The following FNDC3B variants were observed in gnomAD, a reference collection of about 807,000 sequenced individuals.
FNDC3B encodes the protein fibronectin type III domain-containing protein 3B.
Under a neutral mutation model 151.5 loss-of-function variants are expected in FNDC3B, and 12 were observed. That is an observed-to-expected ratio of 0.08 (90% confidence interval 0.05 to 0.13). The LOEUF (loss-of-function observed/expected upper bound fraction) is 0.13, where lower values mean the gene tolerates loss of function less well. FNDC3B is among the 10% of genes least tolerant of loss of function. The pLI is 1.00. For missense variants in FNDC3B, 1,214 were observed against 1,505.3 expected (o/e 0.81, Z 3.20); for synonymous variants, 528 against 549.0 (o/e 0.96, Z 0.54).
chr3:172,223,869 A>T (rs1726416792), intron 3 of FNDC3B, among the ~76,000 whole-genome samples: 1 of 152,270 alleles, frequency 6.6e-6, no homozygotes, highest in Non-Finnish European at 1.5e-5. Flanking sequence ...TAACATTTTG[A>T]TGAGTGATTA....
intron 22 of FNDC3B, among the ~76,000 whole-genome samples, chr3:172,360,760 G>A (rs1734316034): frequency 6.6e-6 from 1 of 151,834 alleles, no homozygotes; most frequent in South Asian, 2.1e-4. Flanking sequence ...GTCTATTTCT[G>A]GAGTCTCTAT....
intron 3 of FNDC3B, among the ~76,000 whole-genome samples, chr3:172,143,889 C>T (rs538363745): frequency 6.6e-6 from 1 of 150,640 alleles, no homozygotes; most frequent in Non-Finnish European, 1.5e-5. Flanking sequence ...AGTCTGGTGA[C>T]AGAGTGAGCC....
intron 1 of FNDC3B, among the ~76,000 whole-genome samples, chr3:172,043,290 A>G (rs905530719): frequency 6.6e-6 from 1 of 152,190 alleles, no homozygotes; most frequent in African/African-American, 2.4e-5. Context: ...ATTGGAGAGC[A>G]AAGTGTAGAA....
At chr3:172,120,964 C>CAA (rs371333724) in intron 2 of FNDC3B, among the ~76,000 whole-genome samples, 1 of 145,886 alleles carries the variant, frequency 6.9e-6, no homozygotes, top group African/African-American at 2.5e-5. Context: ...AACTCTGTCT[C>CAA]AAAAAAAAAA....
intron 6 of FNDC3B, among the ~76,000 whole-genome samples, chr3:172,256,949 G>C (rs77101413): frequency 1.4e-5 from 2 of 144,924 alleles, no homozygotes; most frequent in African/African-American, 2.5e-5. Flanking sequence ...TTTTTTTTTT[G>C]AGACAGAATC....
chr3:172,399,424 C>T lies in FNDC3B; in HGVS notation c.*1949C>T, dbSNP rs779771121. ...AAAAATACATTATCAGTGATTGAAA[C>T]GTTTACATGTACCCAAAAACCATAA... On this transcript the variant is annotated 3_prime_UTR_variant, in exon 26 of 26. Transcript: ENST00000415807. 6 of 152,304 alleles carry T rather than the reference C, an allele frequency of 3.9e-5. No individual in the cohort carries two copies. The highest frequency in any genetic ancestry group is 4.8e-5 in the African/African-American group (2 of 41,358). 9.4% of individuals were successfully genotyped at this position (152,304 alleles called of 1,614,324 possible). A position where few individuals can be genotyped will look rare whatever the true frequency, so the allele number is the denominator to read the frequency against.
intron 25 of FNDC3B, among the ~76,000 whole-genome samples, chr3:172,390,974 C>T (rs1479009419): frequency 6.6e-6 from 1 of 152,026 alleles, no homozygotes; most frequent in South Asian, 2.1e-4. Context: ...AGTCAGAGGC[C>T]GTGAAACCTG....
chr3:172,315,946 C>T (rs1192645869), intron 11 of FNDC3B, among the ~76,000 whole-genome samples: 1 of 151,830 alleles, frequency 6.6e-6, no homozygotes, highest in African/African-American at 2.4e-5. Context: ...TTTGGGCACC[C>T]TTCCAAGCTA....
At chr3:172,111,708 T>A (rs1057514576) in intron 1 of FNDC3B, among the ~76,000 whole-genome samples, 1 of 152,214 alleles carries the variant, frequency 6.6e-6, no homozygotes, top group Non-Finnish European at 1.5e-5. Flanking sequence ...CTGTCATATC[T>A]ACCTGAGACA....
chr3:172,164,652 G>A (rs1412899839), intron 3 of FNDC3B, among the ~76,000 whole-genome samples: 3 of 152,226 alleles, frequency 2.0e-5, no homozygotes, highest in African/African-American at 7.2e-5. Context: ...ATTTGTATGA[G>A]ATTAAGAATT....
chr3:172,189,204 G>T lies in FNDC3B; in HGVS notation c.188-37667G>T, dbSNP rs115049439. On this transcript the variant is annotated intron_variant, in intron 3 of 25. Coordinates refer to ENST00000415807, the MANE Select transcript of FNDC3B (RefSeq NM_022763.4). ...AAAATGTAAGTTGCTTTCTACTAGG[G>T]TGTTATTTTAGGGGGGAAGATTTGT... is the stretch of plus-strand genomic sequence containing the variant. Among the ~76,000 whole-genome samples, 470 of 152,158 alleles carry T rather than the reference G, an allele frequency of 3.1e-3. 2 individuals carry two copies. Among genetic ancestry groups the T allele is most frequent in the African/African-American group, 0.011 (454 of 41,516 alleles).
chr3:172,187,428 G>C (rs1216538649), intron 3 of FNDC3B: 1 of 152,162 alleles, frequency 6.6e-6, no homozygotes, highest in African/African-American at 2.4e-5. Flanking sequence ...TCTGCCCCTT[G>C]GTGGGATGCC....
intron 1 of FNDC3B, among the ~76,000 whole-genome samples, chr3:172,074,802 G>A (rs911602628): frequency 2.6e-5 from 4 of 152,192 alleles, no homozygotes; most frequent in South Asian, 2.1e-4. Context: ...GGGACCCACA[G>A]TTAGCTTATT....
intron 7 of FNDC3B, among the ~76,000 whole-genome samples, chr3:172,289,727 C>A (rs770946045): frequency 6.6e-6 from 1 of 152,188 alleles, no homozygotes; most frequent in Non-Finnish European, 1.5e-5. Flanking sequence ...GGGGCACAAA[C>A]GCCGGAAGTC....
intron 3 of FNDC3B, among the ~76,000 whole-genome samples, chr3:172,163,970 G>A (rs1722897280): frequency 6.6e-6 from 1 of 152,150 alleles, no homozygotes; most frequent in Admixed American, 6.5e-5. Flanking sequence ...TCTCATTGTG[G>A]TTTAAATTTA....
intron 1 of FNDC3B, among the ~76,000 whole-genome samples, chr3:172,084,158 AGTATTCTGG>A (rs1439568073): frequency 7.2e-5 from 11 of 152,092 alleles, no homozygotes; most frequent in Non-Finnish European, 1.5e-4. Flanking sequence ...ACGTTTACAA[AGTATTCTGG>A]GCTGGGTGCC....
rs148462870 is a variant in FNDC3B at position 172,165,322 on chromosome 3, G to A, written c.187+31776G>A. Among the ~76,000 whole-genome samples, 163 of 152,282 alleles carry A rather than the reference G, an allele frequency of 1.1e-3. 1 individual carries two copies. Among genetic ancestry groups the A allele is most frequent in the African/African-American group, 3.8e-3 (156 of 41,562 alleles). On this transcript the variant is annotated intron_variant, in intron 3 of 25. Coordinates refer to ENST00000415807, the MANE Select transcript of FNDC3B (RefSeq NM_022763.4). ...ACCACATCTAGCCAGGAATATTTATGTTCTACCTGCTGTAAGAAAAGCCTA... is the reference window on the plus strand; with the variant it reads ...ACCACATCTAGCCAGGAATATTTATATTCTACCTGCTGTAAGAAAAGCCTA...
intron 1 of FNDC3B, among the ~76,000 whole-genome samples, chr3:172,090,041 T>C (rs1718734876): frequency 6.6e-6 from 1 of 152,264 alleles, no homozygotes; most frequent in Admixed American, 6.5e-5. Context: ...AATTGTTAGA[T>C]ACTGCTTTAA....
chr3:172,381,585 A>T (rs1157753164), intron 25 of FNDC3B, among the ~76,000 whole-genome samples: 3 of 151,812 alleles, frequency 2.0e-5, no homozygotes, highest in Non-Finnish European at 4.4e-5. Flanking sequence ...CCTGTCATCT[A>T]CATTAGGTAT....
Sources: allele counts gnomAD v4.1 joint callset (sites outside exome capture counted in the v4.1 genomes callset), GRCh38; gene constraint gnomAD v4.1.1; transcripts MANE v1.5; gene names NCBI Gene and HGNC (gene_info 2026-07-23, HGNC 2026-07-21).